Variants in RCAN2 observed in about 807,000 individuals in gnomAD.
RCAN2 encodes regulator of calcineurin 2.
In RCAN2, 9 loss-of-function variants were observed where a neutral mutation model predicts 23.6. The observed-to-expected ratio is 0.38, with a 90% CI of 0.23 to 0.67. RCAN2 has a LOEUF of 0.67. Ranked by LOEUF, RCAN2 falls within the 30% of genes least tolerant of loss-of-function variation. RCAN2 has a pLI of 0.51. For synonymous variants in RCAN2, 109 were observed against 115.7 expected (o/e 0.94, Z 0.37); for missense variants, 273 against 302.3 (o/e 0.90, Z 0.72).
At chr6:46,276,995 C>A (rs1314075267) in intron 2 of RCAN2, among the ~76,000 whole-genome samples, 1 of 152,210 alleles carries the variant, frequency 6.6e-6, no homozygotes, top group African/African-American at 2.4e-5. Flanking sequence ...TACTATCCGG[C>A]CTTTATGTGG....
intron 2 of RCAN2, among the ~76,000 whole-genome samples, chr6:46,406,949 C>G (rs1766424197): frequency 6.6e-6 from 1 of 152,138 alleles, no homozygotes; most frequent in Non-Finnish European, 1.5e-5. Flanking sequence ...ACAAATACCC[C>G]CAAACTGGTC....
intron 2 of RCAN2, among the ~76,000 whole-genome samples, chr6:46,292,073 G>C (rs1762579819): frequency 6.6e-6 from 1 of 152,182 alleles, no homozygotes; most frequent in Non-Finnish European, 1.5e-5. Flanking sequence ...GAAATTGCCT[G>C]CTCAGCAAAC....
At chr6:46,303,913 A>G (rs1398176239) in intron 2 of RCAN2, among the ~76,000 whole-genome samples, 1 of 152,118 alleles carries the variant, frequency 6.6e-6, no homozygotes, top group Non-Finnish European at 1.5e-5. Flanking sequence ...CCTGCTGTAA[A>G]CATCCTTGTC....
Position 46,291,220 on chromosome 6 carries a change from CAG to C in RCAN2, c.226-42326_226-42325del, listed in dbSNP as rs555297403. On this transcript the variant is annotated intron_variant, in intron 2 of 4. Transcript: ENST00000371374. ...TATCTTAAAAACTCAACCACAGAGT[CAG>C]GGGGAAAAAAAGCTGAATCCAGCTG... 2.3e-3 allele frequency among the ~76,000 whole-genome samples: 338 copies of C among 150,086 alleles called. 3 individuals are homozygous for C. The highest frequency in any genetic ancestry group is 4.2e-3 in the Admixed American group (64 of 15,136).
chr6:46,308,833 T>C (rs1763154272), intron 2 of RCAN2, among the ~76,000 whole-genome samples: 1 of 152,002 alleles, frequency 6.6e-6, no homozygotes, highest in African/African-American at 2.4e-5. Flanking sequence ...AAAAAAAAAT[T>C]GATTAATCAT....
chr6:46,337,040 T>C (rs916299013), intron 2 of RCAN2, among the ~76,000 whole-genome samples: 4 of 150,268 alleles, frequency 2.7e-5, no homozygotes, highest in Admixed American at 6.7e-5. Context: ...GTAACTGAAA[T>C]AGCTTAGTTA....
intron 2 of RCAN2, among the ~76,000 whole-genome samples, chr6:46,392,499 C>G (rs1305391053): frequency 1.3e-5 from 2 of 152,128 alleles, no homozygotes; most frequent in African/African-American, 4.8e-5. Context: ...GTCCTAGATA[C>G]TGCAGTAAGG....
intron 1 of RCAN2, among the ~76,000 whole-genome samples, chr6:46,479,524 C>A (rs970328111): frequency 6.6e-6 from 1 of 151,194 alleles, no homozygotes; most frequent in South Asian, 2.1e-4. Context: ...AACCTCAACA[C>A]AGGTGTCTTG....
At chr6:46,396,066 G>A (rs897543671) in intron 2 of RCAN2, among the ~76,000 whole-genome samples, 1 of 152,068 alleles carries the variant, frequency 6.6e-6, no homozygotes, top group African/African-American at 2.4e-5. Context: ...CCTAATTTAG[G>A]TAGACGAAAT....
At chr6:46,327,483 G>A (rs934668955) in intron 2 of RCAN2, among the ~76,000 whole-genome samples, 1 of 152,180 alleles carries the variant, frequency 6.6e-6, no homozygotes, top group Non-Finnish European at 1.5e-5. Context: ...CAAGGCAGCC[G>A]GAGCCAGATG....
chr6:46,481,080 C>G (rs985890888), intron 1 of RCAN2, among the ~76,000 whole-genome samples: 5 of 152,116 alleles, frequency 3.3e-5, no homozygotes, highest in Non-Finnish European at 5.9e-5. Context: ...CATATGCAAG[C>G]CATAGTGATG....
At chr6:46,464,357 T>C (rs1768311392) in intron 1 of RCAN2, among the ~76,000 whole-genome samples, 1 of 152,176 alleles carries the variant, frequency 6.6e-6, no homozygotes, top group African/African-American at 2.4e-5. Flanking sequence ...TTTAGATGAA[T>C]AATAAGAATA....
At chr6:46,466,776 C>T (rs931710596) in intron 1 of RCAN2, among the ~76,000 whole-genome samples, 1 of 152,216 alleles carries the variant, frequency 6.6e-6, no homozygotes, top group African/African-American at 2.4e-5. Flanking sequence ...TCACAAGTCT[C>T]AGTATCAAGT....
At chr6:46,248,338 G>C (rs1043284961) in intron 3 of RCAN2, among the ~76,000 whole-genome samples, 1 of 152,190 alleles carries the variant, frequency 6.6e-6, no homozygotes, top group African/African-American at 2.4e-5. Context: ...GGAAGGTTAG[G>C]AATAGCTGTG....
At chr6:46,482,439 A>T (rs1768888163) in intron 1 of RCAN2, among the ~76,000 whole-genome samples, 1 of 152,100 alleles carries the variant, frequency 6.6e-6, no homozygotes, top group Admixed American at 6.6e-5. Context: ...TTCTGCCATG[A>T]TCTGGGATTG....
At chr6:46,425,947 G>A (rs1052230231) in intron 2 of RCAN2, among the ~76,000 whole-genome samples, 14 of 143,298 alleles carry the variant, frequency 9.8e-5, no homozygotes, top group Non-Finnish European at 2.1e-4. Flanking sequence ...CACCCAGGCC[G>A]GAGTGCAGTG....
chr6:46,439,777 C>T (rs946976361), intron 2 of RCAN2, among the ~76,000 whole-genome samples: 2 of 152,204 alleles, frequency 1.3e-5, no homozygotes, highest in African/African-American at 4.8e-5. Context: ...CCTCCCTCCT[C>T]CCATATTTAG....
intron 2 of RCAN2, among the ~76,000 whole-genome samples, chr6:46,403,853 T>C (rs946726159): frequency 2.0e-5 from 3 of 152,086 alleles, no homozygotes; most frequent in Non-Finnish European, 2.9e-5. Flanking sequence ...CCAGAAACAG[T>C]AGGTGTTCTG....
At chr6:46,239,458 TA>T (rs1324112855) in intron 4 of RCAN2, among the ~76,000 whole-genome samples, 3 of 152,236 alleles carry the variant, frequency 2.0e-5, no homozygotes, top group Non-Finnish European at 4.4e-5. Flanking sequence ...GCGACCAGCG[TA>T]ACCGCCTTAC....
Sources: gnomAD v4.1 joint callset for allele counts (sites outside exome capture counted in the v4.1 genomes callset) on GRCh38, gnomAD v4.1.1 for gene constraint, MANE v1.5 for transcripts, NCBI Gene and HGNC (gene_info 2026-07-23, HGNC 2026-07-21) for gene names.